MAP4K4: variants seen among roughly 807,000 people sequenced by gnomAD.
MAP4K4 encodes the protein HPK/GCK-like kinase HGK.
MAP4K4 carries 38 observed loss-of-function variants against 189.6 expected under a neutral mutation model. The ratio of observed to expected loss-of-function variants is 0.20; its 90% CI spans 0.15 to 0.26. MAP4K4 has a LOEUF of 0.26. Ranked by LOEUF, MAP4K4 falls within the 10% of genes least tolerant of loss-of-function variation. The pLI is 1.00. For synonymous variants in MAP4K4, 610 were observed against 624.3 expected (o/e 0.98, Z 0.34); for missense variants, 1,054 against 1,726.9 (o/e 0.61, Z 6.91).
intron 2 of MAP4K4, among the ~76,000 whole-genome samples, chr2:101,767,147 C>G (rs1429651216): frequency 6.6e-6 from 1 of 152,202 alleles, no homozygotes; most frequent in Non-Finnish European, 1.5e-5. Flanking sequence ...AACCAATTCT[C>G]CTGCCTCACT....
At chr2:101,767,753 A>G (rs1456143461) in intron 2 of MAP4K4, among the ~76,000 whole-genome samples, 1 of 152,204 alleles carries the variant, frequency 6.6e-6, no homozygotes, top group Non-Finnish European at 1.5e-5. Flanking sequence ...CTGACACCCA[A>G]GTGGAGTATA....
intron 2 of MAP4K4, among the ~76,000 whole-genome samples, chr2:101,731,298 G>A (rs1047740368): frequency 2.6e-5 from 4 of 151,472 alleles, no homozygotes; most frequent in Non-Finnish European, 4.4e-5. Context: ...TGTATTTTTA[G>A]TAGAGATGGG....
chr2:101,772,343 C>T (rs2081900258), intron 2 of MAP4K4, among the ~76,000 whole-genome samples: 1 of 152,220 alleles, frequency 6.6e-6, no homozygotes, highest in Non-Finnish European at 1.5e-5. Context: ...AAAAGGATAT[C>T]CAACAAAATT....
exon 33 of MAP4K4, chr2:101,891,545 A>G: frequency 4.4e-6 from 1 of 226,328 alleles, no homozygotes; most frequent in Non-Finnish European, 8.8e-6. Flanking sequence ...CTGGAAAGCA[A>G]ACACCTTTCC....
At chr2:101,807,376 G>A (rs1486082710) in intron 3 of MAP4K4, among the ~76,000 whole-genome samples, 1 of 151,990 alleles carries the variant, frequency 6.6e-6, no homozygotes, top group African/African-American at 2.4e-5. Flanking sequence ...CATGTCACCT[G>A]TATTTTAGCC....
At position 101,863,901 on chromosome 2, in the gene MAP4K4, C is replaced by T. The variant is rs375772983; in HGVS notation, c.1947C>T (p.Pro649=). Residue 649 remains proline, a synonymous_variant, in exon 17 of 33, where the codon CCC becomes CCT. Transcript: ENST00000324219. ...CCCATTCCTTCAGTGACCCTTCTCC[C>T]AAATTTGCACACCACCATCTTCGTT... 1.2e-5 allele frequency: 17 copies of T among 1,367,706 alleles called. No individual in the cohort carries two copies. The African/African-American group carries it at 2.2e-4, about 18-fold the overall frequency. The allele number at this position is 1,367,706 out of a possible 1,614,324, so 84.7% of individuals were successfully genotyped here.
intron 2 of MAP4K4, among the ~76,000 whole-genome samples, chr2:101,768,175 G>C (rs1458355374): frequency 6.6e-6 from 1 of 152,046 alleles, no homozygotes; most frequent in Non-Finnish European, 1.5e-5. Flanking sequence ...TAATGAATTG[G>C]GGGCACTAAA....
At chr2:101,759,362 G>C (rs1325335760) in intron 2 of MAP4K4, among the ~76,000 whole-genome samples, 6 of 151,926 alleles carry the variant, frequency 3.9e-5, no homozygotes, top group African/African-American at 1.5e-4. Flanking sequence ...TGGCGGTCCT[G>C]AATTTCCCAG....
intron 18 of MAP4K4, among the ~76,000 whole-genome samples, chr2:101,865,566 T>C (rs1024828703): frequency 6.6e-6 from 1 of 152,190 alleles, no homozygotes; most frequent in Non-Finnish European, 1.5e-5. Context: ...TGAAATACAG[T>C]GGAAACTTCA....
chr2:101,829,494 T>C lies in MAP4K4; in HGVS notation c.418-10T>C. On this transcript the variant is annotated splice_polypyrimidine_tract_variant and intron_variant, in intron 5 of 32. Coordinates refer to ENST00000324219, the Ensembl canonical transcript of MAP4K4. ...GAAAACTAAAATTCAGGTCTGTCTT[T>C]CCTATTCAGGGACTGGCACATCTTC... 8.8e-6 allele frequency: 14 copies of C among 1,595,930 alleles called. No homozygotes were observed. The highest frequency in any genetic ancestry group is 1.1e-5 in the Non-Finnish European group (13 of 1,167,736).
chr2:101,732,850 G>A (rs1488201224), intron 2 of MAP4K4, among the ~76,000 whole-genome samples: 1 of 152,254 alleles, frequency 6.6e-6, no homozygotes, highest in Non-Finnish European at 1.5e-5. Context: ...GCCTCCCGAA[G>A]TGTTGGGATT....
At chr2:101,737,747 A>G (rs2061044964) in intron 2 of MAP4K4, among the ~76,000 whole-genome samples, 1 of 151,908 alleles carries the variant, frequency 6.6e-6, no homozygotes, top group African/African-American at 2.4e-5. Context: ...TGAAAAGGAA[A>G]AAAACCCTGT....
chr2:101,774,275 C>T (rs555319718), intron 2 of MAP4K4, among the ~76,000 whole-genome samples: 1 of 152,292 alleles, frequency 6.6e-6, no homozygotes, highest in East Asian at 1.9e-4. Flanking sequence ...GATGATATCT[C>T]ATTGTAGTTT....
intron 2 of MAP4K4, among the ~76,000 whole-genome samples, chr2:101,756,572 T>G (rs1416310574): frequency 6.6e-6 from 1 of 152,122 alleles, no homozygotes; most frequent in Non-Finnish European, 1.5e-5. Flanking sequence ...GTTTCTTATT[T>G]TTGAGACAGC....
At chr2:101,857,592 C>T (rs916235361) in intron 13 of MAP4K4, among the ~76,000 whole-genome samples, 2 of 152,110 alleles carry the variant, frequency 1.3e-5, no homozygotes, top group African/African-American at 4.8e-5. Flanking sequence ...ACAAGCCTTG[C>T]TAGGGTAGGT....
chr2:101,816,105 G>C (rs931222318), intron 3 of MAP4K4, among the ~76,000 whole-genome samples: 1 of 152,156 alleles, frequency 6.6e-6, no homozygotes, highest in Non-Finnish European at 1.5e-5. Context: ...CTGCAGCTTG[G>C]AGTCTTTCTC....
chr2:101,860,730 C>T (rs1387151980), intron 15 of MAP4K4, 95 bp from the exon 16 acceptor site: 2 of 1,101,802 alleles, frequency 1.8e-6, no homozygotes, highest in African/African-American at 1.6e-5. Flanking sequence ...AAACAGAAAA[C>T]TTACCTTTAG....
chr2:101,827,028 C>T (rs2096392393), intron 5 of MAP4K4, among the ~76,000 whole-genome samples: 2 of 152,154 alleles, frequency 1.3e-5, no homozygotes, highest in African/African-American at 4.8e-5. Flanking sequence ...AAATGTATTT[C>T]AGCCTTCAAA....
chr2:101,869,802 G>T lies in MAP4K4; in HGVS notation c.2639+5G>T. 1 of 1,542,266 alleles carries T rather than the reference G, an allele frequency of 6.5e-7. No individual in the cohort carries two copies. Among genetic ancestry groups the T allele is most frequent in the Non-Finnish European group, 8.7e-7 (1 of 1,143,634 alleles). On this transcript the variant is annotated splice_donor_5th_base_variant and intron_variant, in intron 22 of 32. Transcript: ENST00000324219. Reference sequence around the variant, plus strand: ...ACCAGAGGACACCAGAGCAGCGTCAGTCCCCGGTCTCTTTTAGAGCGGATG... The same window carrying T: ...ACCAGAGGACACCAGAGCAGCGTCATTCCCCGGTCTCTTTTAGAGCGGATG...
Sources: gnomAD v4.1 joint callset for allele counts (sites outside exome capture counted in the v4.1 genomes callset) on GRCh38, gnomAD v4.1.1 for gene constraint, MANE v1.5 for transcripts, NCBI Gene and HGNC (gene_info 2026-07-23, HGNC 2026-07-21) for gene names.